Variants in SHANK2 observed in about 807,000 individuals in gnomAD.
The protein encoded by SHANK2 is SH3 and multiple ankyrin repeat domains 2.
A neutral mutation model predicts 133.7 loss-of-function variants in SHANK2; 43 were observed. The ratio of observed to expected loss-of-function variants is 0.32; its 90% confidence interval spans 0.25 to 0.41. The LOEUF is 0.41. Among genes scored for constraint, SHANK2 ranks in the 10% least tolerant of loss-of-function variants. The pLI is 1.00. For missense variants in SHANK2, 1,994 were observed against 2,235.8 expected (o/e 0.89, Z 2.18); for synonymous variants, 1,017 against 952.8 (o/e 1.07, Z -1.24).
At chr11:70,528,748 C>T (rs1271128651) in intron 17 of SHANK2, among the ~76,000 whole-genome samples, 5 of 151,168 alleles carry the variant, frequency 3.3e-5, no homozygotes, top group Non-Finnish European at 7.4e-5. Context: ...CCTCGGCATC[C>T]GTGGGGGAGA....
chr11:71,094,442 G>A (rs957634805), intron 7 of SHANK2, 95 bp downstream of exon 7: 35 of 1,257,678 alleles, frequency 2.8e-5, no homozygotes, highest in Middle Eastern at 2.5e-4. Context: ...CACTGTGCAC[G>A]GACCCCCTAG....
intron 4 of SHANK2, among the ~76,000 whole-genome samples, chr11:71,117,748 G>C (rs1367202642): frequency 6.6e-6 from 1 of 152,226 alleles, no homozygotes; most frequent in Non-Finnish European, 1.5e-5. Context: ...CCTGCACGCT[G>C]GGCCCTCCCG....
chr11:70,661,978 T>A, intron 15 of SHANK2: 2 of 648,662 alleles, frequency 3.1e-6, no homozygotes, highest in Non-Finnish European at 5.4e-6. Flanking sequence ...ATGGCTGAGC[T>A]GGAGGCTCAA....
At chr11:70,597,258 A>G (rs1248386633) in intron 17 of SHANK2, among the ~76,000 whole-genome samples, 2 of 151,916 alleles carry the variant, frequency 1.3e-5, no homozygotes, top group East Asian at 3.9e-4. Flanking sequence ...CTCTCCACCC[A>G]CTGCCCCCCG....
rs1420386163 is a variant in SHANK2, at chr11:71,088,187, TC to T, written c.912+4234del. On this transcript the variant is annotated intron_variant, in intron 8 of 25. Coordinates refer to ENST00000601538, the MANE Select transcript of SHANK2 (RefSeq NM_012309.5). ...GAGATTCTGCCAGAGACAAACAGGATCCCCGCAGCGGCATCAACTCTTCCTG... is the reference window on the plus strand; with the variant it reads ...GAGATTCTGCCAGAGACAAACAGGATCCCGCAGCGGCATCAACTCTTCCTG... Among the ~76,000 whole-genome samples the T allele has an allele frequency of 5.3e-5, 8 of 152,182 alleles. No homozygotes were observed. The East Asian group carries it at 1.4e-3, about 26-fold the overall frequency.
Position 70,486,735 on chromosome 11 carries a change from TG to T in SHANK2, c.3557del (p.Pro1186GlnfsTer42). ...TGCCGCTGCTCGCGGAGGGCACTGC[TG>T]GGCTGCTCTCGGGCCCCTGGGCTTT... is the stretch of plus-strand genomic sequence containing the variant. ...TSKAQGPESSPAVPSASSGTA... is the reference protein window; with the variant it reads ...TSKAQGPESSXAVPSASSGTA... On this transcript the variant is annotated frameshift_variant, in exon 25 of 26. Transcript: ENST00000601538. LOFTEE classifies it high-confidence loss of function. This position sits in a 1 kb window ranked among gnomAD's most constrained non-coding sequence, Gnocchi z 8.0. The T allele has an allele frequency of 6.2e-7, 1 of 1,610,610 alleles. No homozygotes were observed.
chr11:70,729,526 ATT>A (rs1313198775), intron 14 of SHANK2, among the ~76,000 whole-genome samples: 15 of 137,664 alleles, frequency 1.1e-4, no homozygotes, highest in Non-Finnish European at 1.4e-4. Context: ...TACTTTCTTC[ATT>A]TTTTTTTTTT....
At chr11:70,546,979 T>A (rs1329514629) in intron 17 of SHANK2, among the ~76,000 whole-genome samples, 3 of 152,158 alleles carry the variant, frequency 2.0e-5, no homozygotes, top group Non-Finnish European at 4.4e-5. Flanking sequence ...CGACCCTGGA[T>A]ACCTGATCAG....
intron 8 of SHANK2, among the ~76,000 whole-genome samples, chr11:71,083,116 A>G (rs1951323905): frequency 6.6e-6 from 1 of 152,034 alleles, no homozygotes; most frequent in Non-Finnish European, 1.5e-5. Context: ...TAATTTTTGT[A>G]TTTTTGGTAG....
intron 14 of SHANK2, among the ~76,000 whole-genome samples, chr11:70,775,380 T>C (rs1555043732): frequency 6.6e-6 from 1 of 152,116 alleles, no homozygotes; most frequent in Non-Finnish European, 1.5e-5. Context: ...CGCTTGAACC[T>C]GGGAGGCGGA....
chr11:71,101,120 G>A (rs1389102568), intron 6 of SHANK2, among the ~76,000 whole-genome samples: 1 of 152,178 alleles, frequency 6.6e-6, no homozygotes, highest in Non-Finnish European at 1.5e-5. Flanking sequence ...AGTGCATGCT[G>A]TCAATAACAG....
chr11:70,729,658 G>A (rs1372111252), intron 14 of SHANK2, among the ~76,000 whole-genome samples: 1 of 151,374 alleles, frequency 6.6e-6, no homozygotes, highest in Non-Finnish European at 1.5e-5. Context: ...CCGAGTAGCT[G>A]GGACTACAGG....
At chr11:70,877,291 C>A (rs1460319520) in intron 11 of SHANK2, among the ~76,000 whole-genome samples, 1 of 152,250 alleles carries the variant, frequency 6.6e-6, no homozygotes, top group African/African-American at 2.4e-5. Context: ...CTGGGCAGAG[C>A]CCTCACCCTA....
chr11:70,913,660 T>G (rs1555079434), intron 10 of SHANK2, among the ~76,000 whole-genome samples: 1 of 152,166 alleles, frequency 6.6e-6, no homozygotes, highest in Non-Finnish European at 1.5e-5. Context: ...AGTTCCCACT[T>G]TGGGATCTGG....
At chr11:70,721,629 G>A (rs1352393432) in intron 14 of SHANK2, among the ~76,000 whole-genome samples, 1 of 152,198 alleles carries the variant, frequency 6.6e-6, no homozygotes, top group Non-Finnish European at 1.5e-5. Flanking sequence ...CTGGAGGTTC[G>A]TGGGCCAGCT....
Position 70,489,318 on chromosome 11 carries a change from G to T in SHANK2, c.2572+10C>A, listed in dbSNP as rs1555155154. On this transcript the variant is annotated intron_variant, in intron 24 of 25. Coordinates refer to ENST00000601538, the MANE Select transcript of SHANK2 (RefSeq NM_012309.5). ...CAGATTACAGATTCCAAACCGTAAGGTTCACTAACCTGATAGAAAGATTCT... is the reference window on the plus strand; with the variant it reads ...CAGATTACAGATTCCAAACCGTAAGTTTCACTAACCTGATAGAAAGATTCT... The T allele has an allele frequency of 6.2e-7, 1 of 1,612,992 alleles. No homozygotes were observed. Among genetic ancestry groups the T allele is most frequent in the South Asian group, 1.1e-5 (1 of 91,070 alleles).
intron 8 of SHANK2, among the ~76,000 whole-genome samples, chr11:71,076,508 AAC>A (rs1951221942): frequency 6.7e-6 from 1 of 150,338 alleles, no homozygotes; most frequent in Admixed American, 6.6e-5. Flanking sequence ...ACAAAAAAAA[AAC>A]AAACAAAAAC....
Position 71,086,273 on chromosome 11 carries a change from G to A in SHANK2, c.912+6149C>T, listed in dbSNP as rs1388260369. ...GTTATATATGTTATATATTATATAT[G>A]TTATATTATATATGTTATATAAGAT... On this transcript the variant is annotated intron_variant, in intron 8 of 25. Transcript: ENST00000601538. Among the ~76,000 whole-genome samples, 6 of 20,624 alleles carry A rather than the reference G, an allele frequency of 2.9e-4. 1 individual carries two copies. Among genetic ancestry groups the A allele is most frequent in the African/African-American group, 1.6e-3 (6 of 3,726 alleles). The allele number at this position is 20,624 out of a possible 152,430, so 13.5% of individuals were successfully genotyped here.
Position 70,485,537 on chromosome 11 carries a change from G to A in SHANK2, c.4756C>T (p.Pro1586Ser). The A allele has an allele frequency of 6.2e-7, 1 of 1,612,868 alleles. No individual in the cohort carries two copies. The highest frequency in any genetic ancestry group is 2.2e-5 in the East Asian group (1 of 44,874). Reference sequence around the variant, plus strand: ...GCCATCCCAGGCTGGGCACTGCCCGGCGGGGGCGGGGGAGCGGGCGGGGGG... The same window carrying A: ...GCCATCCCAGGCTGGGCACTGCCCGACGGGGGCGGGGGAGCGGGCGGGGGG... ...VIPPPAPPPP[P>S]GSAQPGMAKV... Residue 1586 changes from proline (P) to serine (S), a missense_variant, in exon 25 of 26, where the codon CCG (proline) becomes TCG (serine). Physicochemically the swap from Pro to Ser is moderately conservative, Grantham distance 74. Coordinates refer to ENST00000601538, the MANE Select transcript of SHANK2 (RefSeq NM_012309.5). The surrounding 1 kb of genome is among the most constrained non-coding windows in gnomAD (Gnocchi z 5.8).
Sources: allele counts gnomAD v4.1 joint callset (sites outside exome capture counted in the v4.1 genomes callset), GRCh38; gene constraint gnomAD v4.1.1; non-coding constraint Gnocchi (gnomAD v3.1); transcripts MANE v1.5; gene names NCBI Gene and HGNC (gene_info 2026-07-23, HGNC 2026-07-21).